ITPR2: variants seen among roughly 807,000 people sequenced by gnomAD.
ITPR2 encodes the protein inositol 1,4,5-trisphosphate receptor type 2.
A neutral mutation model predicts 317.1 loss-of-function variants in ITPR2; 207 were observed. The ratio of observed to expected loss-of-function variants is 0.65; its 90% CI spans 0.58 to 0.73. The LOEUF (loss-of-function observed/expected upper bound fraction) is 0.73. ITPR2 is among the 30% of genes least tolerant of loss of function. The probability of loss-of-function intolerance (pLI) is 0.00; values close to 1 mark genes in which losing one functional copy is unlikely to be tolerated. For synonymous variants in ITPR2, 1,156 were observed against 1,149.1 expected (o/e 1.01, Z -0.12); for missense variants, 2,613 against 3,284.0 (o/e 0.80, Z 4.99).
At chr12:26,676,756 T>TA (rs955822703) in intron 13 of ITPR2, among the ~76,000 whole-genome samples, 2 of 150,480 alleles carry the variant, frequency 1.3e-5, no homozygotes, top group Admixed American at 6.7e-5. Context: ...GAAATAAGAT[T>TA]AAAAAAATAA....
chr12:26,715,875 T>C lies in ITPR2; in HGVS notation c.625-40A>G, dbSNP rs750370470. 10 of 1,323,092 alleles carry C rather than the reference T, an allele frequency of 7.6e-6. No homozygotes were observed. The South Asian group carries it at 8.5e-5, about 11-fold the overall frequency. 82.0% of individuals were successfully genotyped at this position (1,323,092 alleles called of 1,614,324 possible). A position where few individuals can be genotyped will look rare whatever the true frequency, so the allele number is the denominator to read the frequency against. ...ACGTTCAAAGTTATAAGACTACAGA[T>C]TCCATTCTCTACCAGAAATTATTAG... On this transcript the variant is annotated intron_variant, in intron 6 of 56. Coordinates refer to ENST00000381340, the MANE Select transcript of ITPR2 (RefSeq NM_002223.4).
chr12:26,500,786 G>C (rs1412654034), intron 37 of ITPR2, among the ~76,000 whole-genome samples: 1 of 152,012 alleles, frequency 6.6e-6, no homozygotes, highest in Non-Finnish European at 1.5e-5. Flanking sequence ...GGATAGAAAG[G>C]ATAATCAAAT....
At position 26,561,742 on chromosome 12, in the gene ITPR2, T is replaced by C. The variant is rs888877392; in HGVS notation, c.4821+20A>G. On this transcript the variant is annotated intron_variant, in intron 35 of 56. Transcript: ENST00000381340. The stretch of plus-strand genomic sequence containing the variant: ...AATATAATTTAGAAAATATTAATGC[T>C]ATTTCACGCTTTCATGTACCTGTAA... 6.6e-7 allele frequency: 1 copy of C among 1,513,992 alleles called. No individual in the cohort carries two copies. Among genetic ancestry groups the C allele is most frequent in the African/African-American group, 1.4e-5 (1 of 69,292 alleles). 93.8% of individuals were successfully genotyped at this position (1,513,992 alleles called of 1,614,324 possible).
At chr12:26,779,350 G>C (rs1565757584) in intron 2 of ITPR2, among the ~76,000 whole-genome samples, 1 of 152,216 alleles carries the variant, frequency 6.6e-6, no homozygotes. Context: ...CATGTGACCT[G>C]AACTCCCTAT....
At chr12:26,784,012 TGAC>T in intron 2 of ITPR2, among the ~76,000 whole-genome samples, 1 of 150,786 alleles carries the variant, frequency 6.6e-6, no homozygotes, top group Non-Finnish European at 1.5e-5. Context: ...TGGTGAAATA[TGAC>T]TGAAGTCTGG....
At chr12:26,507,857 C>CTG (rs369130996) in intron 37 of ITPR2, among the ~76,000 whole-genome samples, 38 of 88,334 alleles carry the variant, frequency 4.3e-4, no homozygotes, top group African/African-American at 1.2e-3. Flanking sequence ...TCTTCTCTCT[C>CTG]TGTCTCTGTG....
intron 13 of ITPR2, among the ~76,000 whole-genome samples, chr12:26,666,844 C>T (rs533812664): frequency 1.3e-5 from 2 of 152,300 alleles, no homozygotes; most frequent in African/African-American, 4.8e-5. Context: ...TCTCCTCCTC[C>T]TTCCTCTGCC....
intron 45 of ITPR2, among the ~76,000 whole-genome samples, chr12:26,465,812 C>T (rs1942158158): frequency 6.6e-6 from 1 of 152,048 alleles, no homozygotes; most frequent in Admixed American, 6.5e-5. Flanking sequence ...CATTCCCTAC[C>T]CACCCCACAA....
intron 55 of ITPR2, among the ~76,000 whole-genome samples, chr12:26,363,448 C>T (rs749385790): frequency 2.0e-5 from 3 of 152,048 alleles, no homozygotes; most frequent in Non-Finnish European, 4.4e-5. Flanking sequence ...ACCATTCCCA[C>T]CTCCACCCCC....
At chr12:26,415,056 A>C (rs1449560010) in intron 51 of ITPR2, among the ~76,000 whole-genome samples, 2 of 152,102 alleles carry the variant, frequency 1.3e-5, no homozygotes, top group Non-Finnish European at 1.5e-5. Context: ...AGCTTTATTG[A>C]AACTTTCTTA....
chr12:26,805,516 T>C (rs1950625531), intron 1 of ITPR2, among the ~76,000 whole-genome samples: 1 of 152,112 alleles, frequency 6.6e-6, no homozygotes, highest in Non-Finnish European at 1.5e-5. Flanking sequence ...AAAAATGAAT[T>C]TAAATATCTT....
chr12:26,806,874 G>C (rs79540877), intron 1 of ITPR2, among the ~76,000 whole-genome samples: 17,224 of 152,176 alleles, frequency 0.11, 1,308 homozygotes, highest in Non-Finnish European at 0.17. Flanking sequence ...AAATACATGT[G>C]AAAGATTTAA....
intron 37 of ITPR2, among the ~76,000 whole-genome samples, chr12:26,529,156 T>C (rs1431206198): frequency 6.6e-6 from 1 of 152,224 alleles, no homozygotes; most frequent in Non-Finnish European, 1.5e-5. Context: ...GACACAGTAG[T>C]CTCTGTCAAT....
chr12:26,368,070 G>T (rs1230971520), intron 55 of ITPR2, among the ~76,000 whole-genome samples: 1 of 152,168 alleles, frequency 6.6e-6, no homozygotes, highest in Admixed American at 6.5e-5. Flanking sequence ...ACTCTTTGGG[G>T]ACTATTTAAA....
At chr12:26,781,418 T>A (rs1950074798) in intron 2 of ITPR2, among the ~76,000 whole-genome samples, 1 of 152,262 alleles carries the variant, frequency 6.6e-6, no homozygotes, top group South Asian at 2.1e-4. Context: ...TTTTCCTTTA[T>A]TATGTGACAT....
intron 56 of ITPR2, 54 bp downstream of exon 56, chr12:26,340,112 CG>C: frequency 1.3e-6 from 2 of 1,494,876 alleles, no homozygotes; most frequent in Non-Finnish European, 1.8e-6. Flanking sequence ...CTCCCCTCAC[CG>C]GAAGTGGTGA....
chr12:26,543,632 G>C (rs1401025571), intron 37 of ITPR2, among the ~76,000 whole-genome samples: 1 of 151,990 alleles, frequency 6.6e-6, no homozygotes, highest in Non-Finnish European at 1.5e-5. Flanking sequence ...AAATTAGCTG[G>C]GTGGCAGGTG....
chr12:26,716,127 T>C lies in ITPR2; in HGVS notation c.624+17A>G, dbSNP rs1263020693. 1.2e-5 allele frequency: 18 copies of C among 1,537,908 alleles called. No individual in the cohort carries two copies. The highest frequency in any genetic ancestry group is 1.6e-5 in the Non-Finnish European group (18 of 1,113,384). The stretch of plus-strand genomic sequence containing the variant: ...GAGAAAAATGAACACATTCATTCCT[T>C]TTCCACTTGAACTTACCTCTTTACA... On this transcript the variant is annotated intron_variant, in intron 6 of 56. Coordinates refer to ENST00000381340, the MANE Select transcript of ITPR2 (RefSeq NM_002223.4).
intron 34 of ITPR2, among the ~76,000 whole-genome samples, chr12:26,568,006 TTA>T (rs71069253): frequency 0.15 from 1,084 of 7,428 alleles, 42 homozygotes; most frequent in Non-Finnish European, 0.29. Flanking sequence ...ATTATATATA[TTA>T]TATATATATA....
Sources: gnomAD v4.1 joint callset for allele counts (sites outside exome capture counted in the v4.1 genomes callset) on GRCh38, gnomAD v4.1.1 for gene constraint, MANE v1.5 for transcripts, NCBI Gene and HGNC (gene_info 2026-07-23, HGNC 2026-07-21) for gene names.